The following EBPL variants were observed in gnomAD, a reference collection of about 807,000 sequenced individuals.
EBPL encodes emopamil-binding protein-like.
A neutral mutation model predicts 19.0 loss-of-function variants in EBPL; 20 were observed. The observed-to-expected ratio is 1.05, with a 90% CI of 0.74 to 1.53. The LOEUF (loss-of-function observed/expected upper bound fraction) is 1.53, where lower values mean the gene tolerates loss of function less well. Ranked by LOEUF, EBPL falls within the 40% of genes most tolerant of loss-of-function variation. The pLI, the probability that EBPL is intolerant of heterozygous loss-of-function variation, is 0.00. For synonymous variants in EBPL, 107 were observed against 117.0 expected (o/e 0.91, Z 0.55); for missense variants, 219 against 261.1 (o/e 0.84, Z 1.11).
intron 1 of EBPL, among the ~76,000 whole-genome samples, chr13:49,688,698 A>G (rs908357064): frequency 7.6e-5 from 11 of 144,420 alleles, no homozygotes; most frequent in Admixed American, 5.0e-4. Flanking sequence ...CAGTCTGGGT[A>G]ATAGAGCGAG....
rs35086927 is a variant in EBPL, at chr13:49,666,711, C to CAAA, written c.241+3063_241+3065dup. ...TGGGCGAAAGAGTGAGACTCCGTCT[C>CAAA]AAAAAAAAAAAAAAAAAAAAAAACA... On this transcript the variant is annotated intron_variant, in intron 2 of 3. Coordinates refer to ENST00000242827, the MANE Select transcript of EBPL (RefSeq NM_032565.5). 3.2e-3 allele frequency among the ~76,000 whole-genome samples: 261 copies of CAAA among 80,904 alleles called. 1 individual carries two copies. Among genetic ancestry groups the CAAA allele is most frequent in the African/African-American group, 4.2e-3 (75 of 18,004 alleles). The allele number at this position is 80,904 out of a possible 152,430, so 53.1% of individuals were successfully genotyped here.
chr13:49,676,560 C>A (rs776374602), intron 1 of EBPL, among the ~76,000 whole-genome samples: 1 of 151,928 alleles, frequency 6.6e-6, no homozygotes, highest in Non-Finnish European at 1.5e-5. Flanking sequence ...CCACTGCACT[C>A]CAGCCTGGGC....
intron 3 of EBPL, among the ~76,000 whole-genome samples, chr13:49,662,490 C>T (rs1297792007): frequency 5.9e-5 from 9 of 152,204 alleles, no homozygotes; most frequent in Admixed American, 5.9e-4. Flanking sequence ...GGTGGCAAAT[C>T]ATCCAAGAGC....
chr13:49,662,550 A>T (rs565049830), intron 3 of EBPL, among the ~76,000 whole-genome samples: 26 of 152,062 alleles, frequency 1.7e-4, no homozygotes, highest in Admixed American at 6.5e-4. Flanking sequence ...TTAAAATAAT[A>T]TTTCTCATAT....
intron 1 of EBPL, among the ~76,000 whole-genome samples, chr13:49,683,501 C>T (rs1953964325): frequency 6.6e-6 from 1 of 151,932 alleles, no homozygotes; most frequent in South Asian, 2.1e-4. Context: ...TGCACTCCAG[C>T]CTGGACCAGA....
chr13:49,680,259 TATG>T (rs1330957002), intron 1 of EBPL, among the ~76,000 whole-genome samples: 5 of 152,234 alleles, frequency 3.3e-5, no homozygotes, highest in East Asian at 1.9e-4. Context: ...CTGTCATTTC[TATG>T]ATAACATGAA....
At chr13:49,674,865 CA>C (rs1953859525) in intron 1 of EBPL, among the ~76,000 whole-genome samples, 1 of 152,132 alleles carries the variant, frequency 6.6e-6, no homozygotes, top group African/African-American at 2.4e-5. Flanking sequence ...CAGTAGTGCT[CA>C]GGGGTACTGT....
At chr13:49,676,802 C>G (rs1953881511) in intron 1 of EBPL, among the ~76,000 whole-genome samples, 1 of 152,150 alleles carries the variant, frequency 6.6e-6, no homozygotes, top group Non-Finnish European at 1.5e-5. Context: ...ACCAAATACA[C>G]ATACAGTGAG....
intron 1 of EBPL, among the ~76,000 whole-genome samples, chr13:49,670,432 A>T (rs760987752): frequency 1.3e-5 from 2 of 152,198 alleles, no homozygotes; most frequent in Non-Finnish European, 1.5e-5. Flanking sequence ...TTTGCCTAAG[A>T]TTTCTAAAAC....
intron 2 of EBPL, chr13:49,668,430 T>C (rs189477460): frequency 0.16 from 39,214 of 238,548 alleles, 4,323 homozygotes; most frequent in East Asian, 0.65. Context: ...AAAAATTAGC[T>C]AGGCGTGGTG....
intron 2 of EBPL, among the ~76,000 whole-genome samples, chr13:49,666,948 C>A (rs1965238344): frequency 6.6e-6 from 1 of 151,262 alleles, no homozygotes; most frequent in Admixed American, 6.6e-5. Flanking sequence ...AGGCCTTATA[C>A]CACAAGAGAT....
intron 1 of EBPL, among the ~76,000 whole-genome samples, chr13:49,682,080 A>T (rs1594415393): frequency 6.6e-6 from 1 of 152,176 alleles, no homozygotes; most frequent in East Asian, 1.9e-4. Context: ...ACAAGGCTTT[A>T]ATGACTCCAT....
chr13:49,689,356 CT>C (rs931101780), intron 1 of EBPL, among the ~76,000 whole-genome samples: 1 of 151,904 alleles, frequency 6.6e-6, no homozygotes, highest in Admixed American at 6.6e-5. Flanking sequence ...AAACATTTTT[CT>C]TTTTTTTCCC....
At chr13:49,667,693 C>A (rs1351797605) in intron 2 of EBPL, among the ~76,000 whole-genome samples, 1 of 152,192 alleles carries the variant, frequency 6.6e-6, no homozygotes, top group Non-Finnish European at 1.5e-5. Context: ...CTGTGTTGCC[C>A]TGGCTAAATT....
intron 1 of EBPL, among the ~76,000 whole-genome samples, chr13:49,673,962 T>TAC (rs56323070): frequency 0.17 from 24,046 of 143,272 alleles, 2,835 homozygotes; most frequent in East Asian, 0.64. Flanking sequence ...TGGAACTTAA[T>TAC]ACACACACAC....
At chr13:49,669,171 G>T (rs1174968776) in intron 2 of EBPL, among the ~76,000 whole-genome samples, 1 of 152,130 alleles carries the variant, frequency 6.6e-6, no homozygotes, top group Non-Finnish European at 1.5e-5. Context: ...GAGCCACCAT[G>T]CCCGGCCATT....
intron 1 of EBPL, among the ~76,000 whole-genome samples, chr13:49,680,066 A>G (rs1268366474): frequency 6.6e-6 from 1 of 152,132 alleles, no homozygotes; most frequent in African/African-American, 2.4e-5. Context: ...AGGCCCAGGT[A>G]GTGTCTGTCA....
chr13:49,673,130 T>G (rs527725334), intron 1 of EBPL, among the ~76,000 whole-genome samples: 1 of 152,150 alleles, frequency 6.6e-6, no homozygotes, highest in African/African-American at 2.4e-5. Context: ...AAAAAAATAC[T>G]GGCAACATCG....
intron 3 of EBPL, chr13:49,661,782 T>G: frequency 6.6e-7 from 1 of 1,509,628 alleles, no homozygotes; most frequent in South Asian, 1.3e-5. Context: ...GCCAACTATC[T>G]CTCTAAAATT....
Sources: gnomAD v4.1 joint callset for allele counts (sites outside exome capture counted in the v4.1 genomes callset) on GRCh38, gnomAD v4.1.1 for gene constraint, MANE v1.5 for transcripts, NCBI Gene and HGNC (gene_info 2026-07-23, HGNC 2026-07-21) for gene names.